FHIT: variants seen among roughly 807,000 people sequenced by gnomAD.
FHIT encodes the protein fragile histidine triad diadenosine triphosphatase.
Under a neutral mutation model 17.9 loss-of-function variants are expected in FHIT, and 19 were observed. The observed-to-expected ratio is 1.06, with a 90% confidence interval of 0.74 to 1.56. FHIT has a LOEUF of 1.56. FHIT is among the 40% of genes most tolerant of loss of function. FHIT has a pLI of 0.00. For synonymous variants in FHIT, 81 were observed against 69.7 expected (o/e 1.16, Z -0.81); for missense variants, 248 against 189.2 (o/e 1.31, Z -1.82).
intron 3 of FHIT, among the ~76,000 whole-genome samples, chr3:60,875,178 T>C (rs1704588631): frequency 6.6e-6 from 1 of 152,122 alleles, no homozygotes; most frequent in Non-Finnish European, 1.5e-5. Context: ...CCTACATACT[T>C]GAACCCATCC....
At chr3:60,189,295 G>A (rs957197971) in intron 5 of FHIT, among the ~76,000 whole-genome samples, 2 of 152,018 alleles carry the variant, frequency 1.3e-5, no homozygotes, top group Non-Finnish European at 2.9e-5. Context: ...CTAGATCTCC[G>A]GATTTTTTTG....
At chr3:61,112,681 A>C (rs532969616) in intron 2 of FHIT, among the ~76,000 whole-genome samples, 1 of 152,300 alleles carries the variant, frequency 6.6e-6, no homozygotes, top group African/African-American at 2.4e-5. Context: ...GCTGAAGGCA[A>C]TAAGAATTTG....
intron 4 of FHIT, among the ~76,000 whole-genome samples, chr3:60,712,846 C>T (rs1445460971): frequency 6.9e-6 from 1 of 145,524 alleles, no homozygotes; most frequent in East Asian, 2.1e-4. Context: ...TAACACCCCA[C>T]TGTCAACATT....
chr3:60,772,966 G>A lies in FHIT; in HGVS notation c.-18+48953C>T, dbSNP rs76249507. Among the ~76,000 whole-genome samples, 1,232 of 152,146 alleles carry A rather than the reference G, an allele frequency of 8.1e-3. 23 individuals carry two copies. Among genetic ancestry groups the A allele is most frequent in the African/African-American group, 0.028 (1,163 of 41,500 alleles). On this transcript the variant is annotated intron_variant, in intron 4 of 9. Transcript: ENST00000492590. Reference sequence around the variant, plus strand: ...ACACCCATTGCATAGCCATCCCTACGCCTTCGCCCAAACTACCTTTGAAAA... The same window carrying A: ...ACACCCATTGCATAGCCATCCCTACACCTTCGCCCAAACTACCTTTGAAAA...
intron 5 of FHIT, among the ~76,000 whole-genome samples, chr3:60,380,487 T>C (rs1700753170): frequency 6.6e-6 from 1 of 152,176 alleles, no homozygotes; most frequent in Non-Finnish European, 1.5e-5. Flanking sequence ...ACATAATTGG[T>C]CTAACACAGT....
chr3:61,044,838 A>C (rs1469097329), intron 2 of FHIT, among the ~76,000 whole-genome samples: 1 of 152,218 alleles, frequency 6.6e-6, no homozygotes, highest in African/African-American at 2.4e-5. Flanking sequence ...CAGCATTCTT[A>C]AAGAAAAGAA....
At chr3:60,826,842 C>G (rs1200780958) in intron 3 of FHIT, among the ~76,000 whole-genome samples, 9 of 152,128 alleles carry the variant, frequency 5.9e-5, no homozygotes, top group African/African-American at 1.9e-4. Flanking sequence ...TCTTTTCAAC[C>G]TTTTTAAAAG....
intron 4 of FHIT, among the ~76,000 whole-genome samples, chr3:60,668,651 TC>T (rs1472055164): frequency 7.3e-6 from 1 of 136,132 alleles, no homozygotes; most frequent in Non-Finnish European, 1.5e-5. Flanking sequence ...AAGCTCCGCC[TC>T]CCAGGTTCAC....
At chr3:60,308,050 A>G (rs980987412) in intron 5 of FHIT, among the ~76,000 whole-genome samples, 1 of 152,152 alleles carries the variant, frequency 6.6e-6, no homozygotes, top group African/African-American at 2.4e-5. Context: ...TTCGCAGATA[A>G]GAGGAAAACA....
intron 4 of FHIT, among the ~76,000 whole-genome samples, chr3:60,575,011 T>TAA (rs1191761039): frequency 3.3e-5 from 5 of 152,020 alleles, no homozygotes; most frequent in African/African-American, 1.2e-4. Flanking sequence ...GGCCCAAGAA[T>TAA]AGAGATGATA....
At chr3:60,562,859 G>T (rs1444059817) in intron 4 of FHIT, among the ~76,000 whole-genome samples, 2 of 152,134 alleles carry the variant, frequency 1.3e-5, no homozygotes, top group Non-Finnish European at 2.9e-5. Context: ...ATTCATTTGA[G>T]AAATTTGAGG....
At chr3:61,073,082 G>T (rs2034859692) in intron 2 of FHIT, among the ~76,000 whole-genome samples, 1 of 152,036 alleles carries the variant, frequency 6.6e-6, no homozygotes, top group South Asian at 2.1e-4. Context: ...AAAATTCGAG[G>T]CCTTCTAAAA....
At chr3:60,716,794 G>A (rs1472122412) in intron 4 of FHIT, among the ~76,000 whole-genome samples, 3 of 152,180 alleles carry the variant, frequency 2.0e-5, no homozygotes, top group African/African-American at 4.8e-5. Flanking sequence ...CCACAAGCAC[G>A]TGAGTAATTC....
chr3:60,860,967 A>G (rs1452152038), intron 3 of FHIT, among the ~76,000 whole-genome samples: 1 of 105,828 alleles, frequency 9.4e-6, no homozygotes, highest in Admixed American at 1.0e-4. Flanking sequence ...ATACGTATAT[A>G]TCATGTATAT....
chr3:60,565,287 A>G (rs2037092319), intron 4 of FHIT, among the ~76,000 whole-genome samples: 1 of 152,072 alleles, frequency 6.6e-6, no homozygotes, highest in Non-Finnish European at 1.5e-5. Context: ...TGAACCCATA[A>G]TATCTTTGAG....
chr3:60,033,672 G>C (rs1035133435), intron 5 of FHIT, among the ~76,000 whole-genome samples: 1 of 152,184 alleles, frequency 6.6e-6, no homozygotes, highest in African/African-American at 2.4e-5. Context: ...GATAAATGAA[G>C]CAAGTGTGGC....
At chr3:60,095,404 T>C (rs998547832) in intron 5 of FHIT, among the ~76,000 whole-genome samples, 1 of 152,258 alleles carries the variant, frequency 6.6e-6, no homozygotes, top group Non-Finnish European at 1.5e-5. Context: ...ATTGCTTCTC[T>C]CATTTCCCTC....
At chr3:60,604,984 C>T (rs2038564063) in intron 4 of FHIT, among the ~76,000 whole-genome samples, 1 of 152,090 alleles carries the variant, frequency 6.6e-6, no homozygotes, top group Non-Finnish European at 1.5e-5. Context: ...TTCAGGCTCC[C>T]CTCTCTGTGA....
chr3:60,608,746 A>G lies in FHIT; in HGVS notation c.-17-71767T>C, dbSNP rs1166534441. Among the ~76,000 whole-genome samples, 12 of 152,314 alleles carry G rather than the reference A, an allele frequency of 7.9e-5. 2 individuals are homozygous for G. The South Asian group carries it at 2.1e-3, about 26-fold the overall frequency. On this transcript the variant is annotated intron_variant, in intron 4 of 9. Coordinates refer to ENST00000492590, the MANE Select transcript of FHIT (RefSeq NM_002012.4). ...AAATACAAAAGAAAAAATAAATCCT[A>G]AATTATGAACATCGTTATTTGGTTT...
Sources: allele counts gnomAD v4.1 joint callset (sites outside exome capture counted in the v4.1 genomes callset), GRCh38; gene constraint gnomAD v4.1.1; transcripts MANE v1.5; gene names NCBI Gene and HGNC (gene_info 2026-07-23, HGNC 2026-07-21).